Variants in MATCAP2 observed in about 807,000 individuals in gnomAD.
MATCAP2 encodes putative tyrosine carboxypeptidase MATCAP2.
the MATCAP2 span, among the ~76,000 whole-genome samples, chr7:36,372,662 C>T: frequency 2.8e-3 from 430 of 152,252 alleles, no homozygotes; most frequent in Middle Eastern, 0.01. Flanking sequence ...AAAGATACTG[C>T]TCTTTATTAT....
the MATCAP2 span, among the ~76,000 whole-genome samples, chr7:36,354,957 A>G: frequency 2.6e-5 from 4 of 152,308 alleles, no homozygotes; most frequent in South Asian, 8.3e-4. Context: ...ATCAAAGAGC[A>G]TTCTTTTTCA....
the MATCAP2 span, chr7:36,390,128 C>T: frequency 6.2e-7 from 1 of 1,601,002 alleles, no homozygotes; most frequent in African/African-American, 1.3e-5. Context: ...CTGGGCGAAC[C>T]CCCACCGGGC....
the MATCAP2 span, among the ~76,000 whole-genome samples, chr7:36,364,580 G>A: frequency 8.6e-5 from 13 of 151,830 alleles, no homozygotes; most frequent in Non-Finnish European, 1.6e-4. Context: ...TATTTGTAAC[G>A]ACTTTTAGAG....
the MATCAP2 span, among the ~76,000 whole-genome samples, chr7:36,385,842 T>C: frequency 6.7e-6 from 1 of 148,218 alleles, no homozygotes; most frequent in African/African-American, 2.5e-5. Context: ...TAAAATAAAA[T>C]AAAATAAAAT....
the MATCAP2 span, chr7:36,356,574 CCAACA>C: frequency 1.8e-5 from 9 of 493,710 alleles, no homozygotes; most frequent in African/African-American, 1.7e-4. Flanking sequence ...TGTGGGCTAC[CCAACA>C]CTTGTCTGTA....
the MATCAP2 span, among the ~76,000 whole-genome samples, chr7:36,383,405 A>G: frequency 6.6e-6 from 1 of 152,228 alleles, no homozygotes. Context: ...AAAGACTTGG[A>G]ACCAACCCAA....
chr7:36,367,500 G>A, the MATCAP2 span, among the ~76,000 whole-genome samples: 1 of 152,170 alleles, frequency 6.6e-6, no homozygotes, highest in Non-Finnish European at 1.5e-5. Flanking sequence ...ATGGTGCGCT[G>A]TGACACTCGG....
the MATCAP2 span, among the ~76,000 whole-genome samples, chr7:36,351,519 CCTTTT>C: frequency 6.6e-6 from 1 of 152,046 alleles, no homozygotes; most frequent in South Asian, 2.1e-4. Flanking sequence ...ACAGTCCTTT[CCTTTT>C]CTCTATTTTG....
At chr7:36,330,378 C>A in the MATCAP2 span, among the ~76,000 whole-genome samples, 1 of 151,940 alleles carries the variant, frequency 6.6e-6, no homozygotes, top group African/African-American at 2.4e-5. Context: ...GGTTTGCGGG[C>A]GTGAGCCACC....
the MATCAP2 span, chr7:36,366,762 C>A: frequency 6.5e-7 from 1 of 1,534,958 alleles, no homozygotes; most frequent in Non-Finnish European, 8.7e-7. Flanking sequence ...ACAGGTTTTT[C>A]GCGAGCGCCT....
At chr7:36,378,387 G>T in the MATCAP2 span, among the ~76,000 whole-genome samples, 3 of 152,194 alleles carry the variant, frequency 2.0e-5, no homozygotes, top group Admixed American at 6.5e-5. Context: ...GACCCTGTTT[G>T]CCTGGGTATC....
chr7:36,332,784 G>T, the MATCAP2 span, among the ~76,000 whole-genome samples: 1 of 152,174 alleles, frequency 6.6e-6, no homozygotes, highest in Non-Finnish European at 1.5e-5. Flanking sequence ...AAAATTAGCT[G>T]GGCATATTGG....
At chr7:36,331,230 T>C in the MATCAP2 span, 1 of 569,110 alleles carries the variant, frequency 1.8e-6, no homozygotes, top group Non-Finnish European at 3.2e-6. Flanking sequence ...ACTATCTTCA[T>C]TACATAAAAT....
chr7:36,347,608 A>G, the MATCAP2 span, among the ~76,000 whole-genome samples: 1 of 152,194 alleles, frequency 6.6e-6, no homozygotes, highest in Non-Finnish European at 1.5e-5. Context: ...TACCCCACAG[A>G]GTTGTGAAGA....
the MATCAP2 span, chr7:36,326,528 C>T: frequency 2.2e-5 from 7 of 314,798 alleles, no homozygotes; most frequent in Non-Finnish European, 4.0e-5. Context: ...TTTCATCTGA[C>T]TCTGTCGAGA....
chr7:36,336,081 A>T, the MATCAP2 span: 19 of 1,156,688 alleles, frequency 1.6e-5, no homozygotes, highest in Middle Eastern at 2.3e-4. Context: ...AAAAAATAAA[A>T]TAAATAAAAT....
the MATCAP2 span, among the ~76,000 whole-genome samples, chr7:36,373,992 T>C: frequency 3.9e-5 from 6 of 152,146 alleles, no homozygotes; most frequent in African/African-American, 1.2e-4. Flanking sequence ...CAGGATGGTC[T>C]TGATCTCCTG....
chr7:36,346,519 G>A, the MATCAP2 span, among the ~76,000 whole-genome samples: 1 of 152,192 alleles, frequency 6.6e-6, no homozygotes. Context: ...ACAGAAGCCA[G>A]TCACAAAGGA....
the MATCAP2 span, among the ~76,000 whole-genome samples, chr7:36,385,794 A>AAAT: frequency 3.9e-5 from 4 of 102,778 alleles, no homozygotes; most frequent in East Asian, 1.1e-3. Context: ...TCAAAAAATA[A>AAAT]AATAAAATAA....
Sources: allele counts gnomAD v4.1 joint callset (sites outside exome capture counted in the v4.1 genomes callset), GRCh38; gene constraint gnomAD v4.1.1; transcripts MANE v1.5; gene names NCBI Gene and HGNC (gene_info 2026-07-23, HGNC 2026-07-21).